RBFOX1: variants seen among roughly 807,000 people sequenced by gnomAD.
RBFOX1 encodes RNA binding protein fox-1 homolog 1.
A neutral mutation model predicts 57.7 loss-of-function variants in RBFOX1; 8 were observed. The observed-to-expected ratio is 0.14, with a 90% confidence interval of 0.08 to 0.25. RBFOX1 has a LOEUF of 0.25. Among genes scored for constraint, RBFOX1 ranks in the 10% least tolerant of loss-of-function variants. The pLI is 1.00. For synonymous variants in RBFOX1, 326 were observed against 222.4 expected, an observed-to-expected ratio of 1.47 and a Z score of -4.15; for missense variants, 611 against 548.5, an observed-to-expected ratio of 1.11 and a Z score of -1.14.
intron 3 of RBFOX1, among the ~76,000 whole-genome samples, chr16:6,786,427 A>G (rs77341879): frequency 0.021 from 3,213 of 152,252 alleles, 74 homozygotes; most frequent in African/African-American, 0.06. Context: ...CAGGAGGTAG[A>G]TCAAGTGGAA....
In RBFOX1 at chr16:7,222,682, G is replaced by A. The variant is rs865991882; in HGVS notation, c.27+170584G>A. Reference sequence around the variant, plus strand: ...CCTCTTTGTTCCTTATAAGGTTGTCGTGCAAATTACATGAAATGATGTTAC... The same window carrying A: ...CCTCTTTGTTCCTTATAAGGTTGTCATGCAAATTACATGAAATGATGTTAC... On this transcript the variant is annotated intron_variant, in intron 4 of 15. Transcript: ENST00000550418. Among the ~76,000 whole-genome samples, 79 of 152,240 alleles carry A rather than the reference G, an allele frequency of 5.2e-4. 1 individual carries two copies. The highest frequency in any genetic ancestry group is 1.6e-3 in the African/African-American group (65 of 41,536).
intron 3 of RBFOX1, among the ~76,000 whole-genome samples, chr16:6,758,522 G>C (rs1282559064): frequency 6.6e-6 from 1 of 152,006 alleles, no homozygotes; most frequent in Non-Finnish European, 1.5e-5. Flanking sequence ...GAATACATTA[G>C]AGCAATTTAA....
At chr16:5,735,403 G>T (rs989824364) in intron 3 of RBFOX1, among the ~76,000 whole-genome samples, 1 of 152,186 alleles carries the variant, frequency 6.6e-6, no homozygotes, top group Non-Finnish European at 1.5e-5. Flanking sequence ...GTCACAGTGT[G>T]CCTGGTTGCC....
chr16:7,604,148 A>C (rs1596351485), intron 9 of RBFOX1, among the ~76,000 whole-genome samples: 2 of 152,170 alleles, frequency 1.3e-5, no homozygotes, highest in African/African-American at 4.8e-5. Flanking sequence ...GCAACCAAGT[A>C]GATAGATATG....
chr16:5,949,542 A>G (rs1022804174), intron 4 of RBFOX1, among the ~76,000 whole-genome samples: 10 of 110,424 alleles, frequency 9.1e-5, no homozygotes, highest in Non-Finnish European at 1.8e-4. Context: ...AAAAAAAAAA[A>G]AAAGAAAAGA....
chr16:7,371,168 G>A (rs1016587110), intron 4 of RBFOX1, among the ~76,000 whole-genome samples: 4 of 151,936 alleles, frequency 2.6e-5, no homozygotes, highest in African/African-American at 9.7e-5. Flanking sequence ...TCCCAAACTG[G>A]CCCCATCACT....
intron 1 of RBFOX1, among the ~76,000 whole-genome samples, chr16:6,314,189 G>T (rs1002387510): frequency 1.3e-5 from 2 of 152,170 alleles, no homozygotes; most frequent in African/African-American, 4.8e-5. Flanking sequence ...TCCTTTCTTG[G>T]TGCTGTAACC....
intron 5 of RBFOX1, among the ~76,000 whole-genome samples, chr16:7,532,621 C>T (rs1381064675): frequency 2.0e-5 from 3 of 152,196 alleles, no homozygotes; most frequent in Non-Finnish European, 2.9e-5. Flanking sequence ...TTCTCTCCAG[C>T]CTTCTCCAGG....
chr16:7,231,216 C>G (rs1567812125), intron 4 of RBFOX1, among the ~76,000 whole-genome samples: 1 of 152,146 alleles, frequency 6.6e-6, no homozygotes, highest in African/African-American at 2.4e-5. Flanking sequence ...CTAGAATACG[C>G]TTGTTTATGT....
intron 2 of RBFOX1, among the ~76,000 whole-genome samples, chr16:6,464,862 A>T (rs1567336518): frequency 1.3e-5 from 2 of 152,250 alleles, no homozygotes; most frequent in Admixed American, 6.5e-5. Context: ...AAAAACAGGT[A>T]GTACTATACA....
intron 4 of RBFOX1, among the ~76,000 whole-genome samples, chr16:7,283,293 C>T (rs909258664): frequency 2.6e-5 from 4 of 151,828 alleles, no homozygotes; most frequent in Non-Finnish European, 5.9e-5. Context: ...CATGGCCTTC[C>T]TCCCTGGTCC....
intron 4 of RBFOX1, among the ~76,000 whole-genome samples, chr16:7,069,175 C>T (rs1349935412): frequency 6.6e-6 from 1 of 152,104 alleles, no homozygotes; most frequent in Non-Finnish European, 1.5e-5. Flanking sequence ...ATTTTTTAAT[C>T]CTTTAATTTA....
chr16:5,545,940 C>CT (rs917604016), intron 2 of RBFOX1, among the ~76,000 whole-genome samples: 9 of 151,088 alleles, frequency 6.0e-5, no homozygotes, highest in Non-Finnish European at 1.0e-4. Flanking sequence ...GATCTAAAAA[C>CT]TTTTTTTTTG....
chr16:5,337,976 T>C (rs551763719), intron 1 of RBFOX1, among the ~76,000 whole-genome samples: 68 of 152,264 alleles, frequency 4.5e-4, no homozygotes, highest in Admixed American at 3.4e-3. Flanking sequence ...CCCAGGAGAT[T>C]GAGGCTGCAG....
chr16:7,478,757 C>T (rs1360804111), intron 4 of RBFOX1, among the ~76,000 whole-genome samples: 1 of 152,164 alleles, frequency 6.6e-6, no homozygotes, highest in Non-Finnish European at 1.5e-5. Context: ...ACTGACTCCG[C>T]TTATTGCTGG....
chr16:7,449,155 C>T (rs923909144), intron 4 of RBFOX1, among the ~76,000 whole-genome samples: 1 of 151,954 alleles, frequency 6.6e-6, no homozygotes, highest in African/African-American at 2.4e-5. Flanking sequence ...TCTCGAACTC[C>T]CGACTTCAGG....
At chr16:5,594,468 T>C (rs2047113809) in intron 2 of RBFOX1, among the ~76,000 whole-genome samples, 3 of 152,160 alleles carry the variant, frequency 2.0e-5, no homozygotes, top group African/African-American at 7.2e-5. Context: ...CATAGTTTGA[T>C]TTTATACATT....
chr16:7,327,220 A>T (rs1841859263), intron 4 of RBFOX1, among the ~76,000 whole-genome samples: 1 of 152,212 alleles, frequency 6.6e-6, no homozygotes, highest in Non-Finnish European at 1.5e-5. Context: ...GAGAGGAAGG[A>T]AGGGTATTTC....
chr16:5,874,025 C>G (rs1446189808), intron 4 of RBFOX1, among the ~76,000 whole-genome samples: 1 of 152,144 alleles, frequency 6.6e-6, no homozygotes, highest in Non-Finnish European at 1.5e-5. Context: ...AACCAGGGCC[C>G]AGCATCCTCA....
Sources: allele counts gnomAD v4.1 joint callset (sites outside exome capture counted in the v4.1 genomes callset), GRCh38; gene constraint gnomAD v4.1.1; transcripts MANE v1.5; gene names NCBI Gene and HGNC (gene_info 2026-07-23, HGNC 2026-07-21).